FCHSD2: variants seen among roughly 807,000 people sequenced by gnomAD.
The protein encoded by FCHSD2 is F-BAR and double SH3 domains protein 2.
Under a neutral mutation model 108.1 loss-of-function variants are expected in FCHSD2, and 38 were observed. The observed-to-expected ratio is 0.35, with a 90% CI of 0.27 to 0.46. The LOEUF is 0.46. FCHSD2 is among the 20% of genes least tolerant of loss of function. The pLI, the probability that FCHSD2 is intolerant of heterozygous loss-of-function variation, is 1.00. For missense variants in FCHSD2, 751 were observed against 897.8 expected, an observed-to-expected ratio of 0.84 and a Z score of 2.09; for synonymous variants, 279 against 314.7, an observed-to-expected ratio of 0.89 and a Z score of 1.20.
At position 73,053,823 on chromosome 11, in the gene FCHSD2, CA is replaced by C. The variant is rs1203359454; in HGVS notation, c.165+29871del. 2.0e-5 allele frequency among the ~76,000 whole-genome samples: 3 copies of C among 152,252 alleles called. No homozygotes were observed. The East Asian group carries it at 5.8e-4, about 29-fold the overall frequency. On this transcript the variant is annotated intron_variant, in intron 3 of 19. Transcript: ENST00000409418. ...ATTAATAGAAGATATCTTCAAGTAA[CA>C]ACATTTATGGTTCTTCTAATTGTTT...
At chr11:72,895,269 G>C (rs575073502) in intron 10 of FCHSD2, among the ~76,000 whole-genome samples, 1 of 152,292 alleles carries the variant, frequency 6.6e-6, no homozygotes, top group Non-Finnish European at 1.5e-5. Context: ...ACCCATTAAG[G>C]CTGGGGTGAA....
rs866445838 is a variant in FCHSD2 at position 72,907,597 on chromosome 11, G to A, written c.829-4959C>T. Among the ~76,000 whole-genome samples the A allele has an allele frequency of 1.4e-4, 12 of 83,392 alleles. No homozygotes were observed. The Middle Eastern group carries it at 0.015, about 106-fold the overall frequency. The allele number at this position is 83,392 out of a possible 152,430, so 54.7% of individuals were successfully genotyped here. On this transcript the variant is annotated intron_variant, in intron 9 of 19. Coordinates refer to ENST00000409418, the MANE Select transcript of FCHSD2 (RefSeq NM_014824.3). ...TCTGCATCTATTGAGATAATCACGT[G>A]GGTTTTTTTTTTTTTTTTTTTTCTT...
At chr11:73,017,870 T>C (rs1308797336) in intron 3 of FCHSD2, among the ~76,000 whole-genome samples, 1 of 152,216 alleles carries the variant, frequency 6.6e-6, no homozygotes, top group Non-Finnish European at 1.5e-5. Context: ...ATTGCCTAGG[T>C]ACTTATTTTC....
At chr11:72,983,617 A>T (rs1437872514) in intron 8 of FCHSD2, 1 of 186,138 alleles carries the variant, frequency 5.4e-6, no homozygotes, top group East Asian at 1.5e-4. Flanking sequence ...TTTCTTATAA[A>T]AATTTTTCAA....
chr11:72,989,079 T>C lies in FCHSD2; in HGVS notation c.406A>G (p.Lys136Glu), dbSNP rs763975906. 1 of 1,608,838 alleles carries C rather than the reference T, an allele frequency of 6.2e-7. No individual in the cohort carries two copies. Among genetic ancestry groups the C allele is most frequent in the Non-Finnish European group, 8.5e-7 (1 of 1,177,152 alleles). ...GTCTCTTGTAATTCAGTTTGGATCTTTGTCAACTGGTCCACACACTGTAAA... is the reference window on the plus strand; with the variant it reads ...GTCTCTTGTAATTCAGTTTGGATCTCTGTCAACTGGTCCACACACTGTAAA... Reference protein sequence around the residue: ...QLKRCVDQLTKIQTELQETVK... With the variant: ...QLKRCVDQLTEIQTELQETVK... The change falls in exon 6 of 20, where the codon AAG becomes GAG. Residue 136 changes from lysine (K) to glutamate (E), a missense_variant. Transcript: ENST00000409418.
intron 11 of FCHSD2, among the ~76,000 whole-genome samples, chr11:72,887,842 C>T (rs1214546469): frequency 2.6e-5 from 4 of 152,148 alleles, no homozygotes; most frequent in Admixed American, 6.5e-5. Context: ...TAAGCTGAGA[C>T]CATCCAATAC....
At chr11:72,962,478 T>A (rs1363176901) in intron 8 of FCHSD2, among the ~76,000 whole-genome samples, 1 of 152,222 alleles carries the variant, frequency 6.6e-6, no homozygotes, top group African/African-American at 2.4e-5. Context: ...ACCTCTGGTA[T>A]AAGCGATTGA....
intron 8 of FCHSD2, among the ~76,000 whole-genome samples, chr11:72,953,279 C>T (rs957195566): frequency 1.3e-5 from 2 of 152,204 alleles, no homozygotes; most frequent in African/African-American, 4.8e-5. Context: ...CAGAAACCTA[C>T]TGCTGGTGAT....
intron 2 of FCHSD2, among the ~76,000 whole-genome samples, chr11:73,118,675 A>G (rs61896991): frequency 0.021 from 3,136 of 152,108 alleles, 57 homozygotes; most frequent in Non-Finnish European, 0.03. Context: ...ACTGATTTCT[A>G]TTTTCATTGC....
At chr11:73,105,379 C>T (rs1269772607) in intron 2 of FCHSD2, among the ~76,000 whole-genome samples, 5 of 152,156 alleles carry the variant, frequency 3.3e-5, no homozygotes, top group African/African-American at 9.7e-5. Flanking sequence ...GTCTACAGTA[C>T]ACCCTCTATA....
chr11:72,917,308 T>G lies in FCHSD2; in HGVS notation c.828+4520A>C, dbSNP rs553821059. Among the ~76,000 whole-genome samples the G allele has an allele frequency of 1.3e-4, 20 of 152,338 alleles. No individual in the cohort carries two copies. In the South Asian group the frequency reaches 2.3e-3, roughly 17 times the overall value. The stretch of plus-strand genomic sequence containing the variant: ...TGAACTTCATTCTTTTGCATGTGGC[T>G]ATCCAGCTGTCCCAAAACCTTTTTC... On this transcript the variant is annotated intron_variant, in intron 9 of 19. Coordinates refer to ENST00000409418, the MANE Select transcript of FCHSD2 (RefSeq NM_014824.3).
chr11:72,837,690 A>G lies in FCHSD2; in HGVS notation c.*1101T>C, dbSNP rs184900038. 4.6e-5 allele frequency: 7 copies of G among 152,292 alleles called. No individual in the cohort carries two copies. Among genetic ancestry groups the G allele is most frequent in the Non-Finnish European group, 1.0e-4 (7 of 68,020 alleles). The allele number at this position is 152,292 out of a possible 1,614,324, so 9.4% of individuals were successfully genotyped here. On this transcript the variant is annotated 3_prime_UTR_variant, in exon 20 of 20. Transcript: ENST00000409418. ...AATCTGTACTTGTGCAGGGTGCGCA[A>G]TCCTTCAGTCCTTTCTCATAGAAAG...
chr11:72,840,973 C>G lies in FCHSD2; in HGVS notation c.2057-14G>C. The G allele has an allele frequency of 3.8e-6, 6 of 1,598,218 alleles. No individual in the cohort carries two copies. The highest frequency in any genetic ancestry group is 5.1e-6 in the Non-Finnish European group (6 of 1,166,158). On this transcript the variant is annotated splice_polypyrimidine_tract_variant and intron_variant, in intron 18 of 19. Transcript: ENST00000409418. Reference sequence around the variant, plus strand: ...GAAGGCTTTTTTCTAAGGGAGAAAACCAAAGAAGCTCATTTTACTTGAGTT... The same window carrying G: ...GAAGGCTTTTTTCTAAGGGAGAAAAGCAAAGAAGCTCATTTTACTTGAGTT...
At chr11:73,091,472 C>A (rs371242867) in intron 2 of FCHSD2, among the ~76,000 whole-genome samples, 5 of 151,764 alleles carry the variant, frequency 3.3e-5, no homozygotes, top group Admixed American at 2.6e-4. Flanking sequence ...TCACTTGAAC[C>A]CGGGAGGCAG....
chr11:72,949,336 G>A (rs1212105144), intron 8 of FCHSD2, among the ~76,000 whole-genome samples: 1 of 152,074 alleles, frequency 6.6e-6, no homozygotes. Context: ...TGTAATCACA[G>A]CTACTCAGGA....
intron 2 of FCHSD2, among the ~76,000 whole-genome samples, chr11:73,121,200 C>T (rs867690339): frequency 3.3e-5 from 5 of 152,080 alleles, no homozygotes; most frequent in Non-Finnish European, 1.5e-5. Context: ...CACGCATGCA[C>T]GCACACACAC....
At chr11:72,934,702 A>G (rs1233507383) in intron 8 of FCHSD2, among the ~76,000 whole-genome samples, 1 of 152,160 alleles carries the variant, frequency 6.6e-6, no homozygotes, top group Non-Finnish European at 1.5e-5. Flanking sequence ...GCATTCTTTC[A>G]AGGTTTATAT....
chr11:73,029,298 G>C (rs1467546868), intron 3 of FCHSD2, among the ~76,000 whole-genome samples: 1 of 152,174 alleles, frequency 6.6e-6, no homozygotes, highest in Non-Finnish European at 1.5e-5. Context: ...GAAAGGACCA[G>C]GAATCTTGTC....
At position 72,838,699 on chromosome 11, in the gene FCHSD2, GTCA is replaced by G. The variant is rs1860808339; in HGVS notation, c.*89_*91del. 3 of 1,041,986 alleles carry G rather than the reference GTCA, an allele frequency of 2.9e-6. No homozygotes were observed. Among genetic ancestry groups the G allele is most frequent in the African/African-American group, 1.6e-5 (1 of 63,222 alleles). The allele number at this position is 1,041,986 out of a possible 1,614,324, so 64.5% of individuals were successfully genotyped here. ...TCCTTGTTTTTTGCTCTGTTCAAGA[GTCA>G]TCATCATGCAAAGGTGCCTAAAAAA... On this transcript the variant is annotated 3_prime_UTR_variant, in exon 20 of 20. Coordinates refer to ENST00000409418, the MANE Select transcript of FCHSD2 (RefSeq NM_014824.3).
Sources: allele counts gnomAD v4.1 joint callset (sites outside exome capture counted in the v4.1 genomes callset), GRCh38; gene constraint gnomAD v4.1.1; transcripts MANE v1.5; gene names NCBI Gene and HGNC (gene_info 2026-07-23, HGNC 2026-07-21).